DMD: variants seen among roughly 807,000 people sequenced by gnomAD.
DMD encodes mutant dystrophin.
A neutral mutation model predicts 330.1 loss-of-function variants in DMD; 63 were observed. That is an observed-to-expected ratio of 0.19 (90% CI 0.16 to 0.24). The LOEUF is 0.24. DMD is among the 10% of genes least tolerant of loss of function. The probability of loss-of-function intolerance (pLI) is 1.00; values close to 1 mark genes in which losing one functional copy is unlikely to be tolerated. For missense variants in DMD, 3,344 were observed against 2,684.1 expected (o/e 1.25, Z -5.43); for synonymous variants, 1,223 against 959.8 (o/e 1.27, Z -5.07).
intron 29 of DMD, among the ~76,000 whole-genome samples, chrX:32,418,002 A>T (rs2098172815): frequency 9.0e-6 from 1 of 111,034 alleles, no homozygotes; most frequent in Non-Finnish European, 1.9e-5. Context: ...GATGGAATCT[A>T]ACCACACTTG....
At position 32,365,094 on chromosome X, in the gene DMD, C is replaced by T. The variant is rs1369953471; in HGVS notation, c.4951G>A (p.Asp1651Asn). The change falls in exon 35 of 79, where the codon GAT (aspartate) becomes AAT (asparagine). Residue 1651 changes from aspartate (D) to asparagine (N), a missense_variant. Coordinates refer to ENST00000357033, the MANE Select transcript of DMD (RefSeq NM_004006.3). Reference protein sequence around the residue: ...VLGKKETLVEDKLSLLNSNWI... With the variant: ...VLGKKETLVENKLSLLNSNWI... ...TTACTATTCAGAAGACTGAGTTTATCTTCCACCAACGTCTCCTTCTTGCCC... is the reference window on the plus strand; with the variant it reads ...TTACTATTCAGAAGACTGAGTTTATTTTCCACCAACGTCTCCTTCTTGCCC... The T allele has an allele frequency of 1.4e-5, 17 of 1,210,888 alleles. No individual in the cohort carries two copies. Among genetic ancestry groups the T allele is most frequent in the Non-Finnish European group, 1.9e-5 (17 of 895,145 alleles).
intron 2 of DMD, among the ~76,000 whole-genome samples, chrX:32,889,468 C>G (rs1051064453): frequency 5.9e-4 from 65 of 110,515 alleles, no homozygotes; most frequent in African/African-American, 1.9e-3. Flanking sequence ...GTATCAGTGT[C>G]AGGACTCTGA....
intron 47 of DMD, among the ~76,000 whole-genome samples, chrX:31,910,127 A>G (rs1248589701): frequency 2.7e-5 from 3 of 110,664 alleles, no homozygotes; most frequent in African/African-American, 9.8e-5. Flanking sequence ...AAGGCACACA[A>G]AAAGATAGAA....
intron 47 of DMD, among the ~76,000 whole-genome samples, chrX:31,896,405 T>C (rs181763489): frequency 4.5e-5 from 5 of 111,985 alleles, no homozygotes; most frequent in Middle Eastern, 4.6e-3. Flanking sequence ...AGACACTGTA[T>C]ATTCTAGTAT....
At chrX:32,975,412 T>A (rs968824947) in intron 2 of DMD, among the ~76,000 whole-genome samples, 1 of 97,155 alleles carries the variant, frequency 1.0e-5, no homozygotes, top group Non-Finnish European at 2.0e-5. Context: ...CCTGGAAGAA[T>A]TGGAAATCAA....
intron 47 of DMD, among the ~76,000 whole-genome samples, chrX:31,925,330 T>C (rs1433013818): frequency 9.0e-6 from 1 of 111,652 alleles, no homozygotes; most frequent in Non-Finnish European, 1.9e-5. Flanking sequence ...TCACATAACC[T>C]TTCTAGGACT....
intron 7 of DMD, among the ~76,000 whole-genome samples, chrX:32,709,906 C>T (rs980163170): frequency 3.6e-5 from 4 of 111,324 alleles, no homozygotes; most frequent in Non-Finnish European, 7.6e-5. Flanking sequence ...GTAGTAGGTA[C>T]TCAGTATTTG....
chrX:33,328,776 TAAAAG>T (rs1269122267), intron 1 of DMD, among the ~76,000 whole-genome samples: 1 of 111,324 alleles, frequency 9.0e-6, no homozygotes, highest in Non-Finnish European at 1.9e-5. Context: ...GGAAGAAACT[TAAAAG>T]AAATGACAAT....
At chrX:31,251,182 G>C (rs752552874) in intron 63 of DMD, among the ~76,000 whole-genome samples, 2 of 104,432 alleles carry the variant, frequency 1.9e-5, no homozygotes, top group Non-Finnish European at 3.9e-5. Flanking sequence ...TTTTTTCTAA[G>C]ACAACGTCTT....
intron 57 of DMD, among the ~76,000 whole-genome samples, chrX:31,486,737 T>A (rs2068840726): frequency 8.9e-6 from 1 of 112,115 alleles, no homozygotes; most frequent in African/African-American, 3.2e-5. Flanking sequence ...TGTAACTTGA[T>A]CTGTATTTAC....
At chrX:31,145,577 G>A (rs2036580902) in intron 76 of DMD, among the ~76,000 whole-genome samples, 1 of 110,779 alleles carries the variant, frequency 9.0e-6, no homozygotes, top group Non-Finnish European at 1.9e-5. Context: ...ACAATCAGAA[G>A]TTTCACTATC....
At chrX:31,185,160 T>C in intron 67 of DMD, among the ~76,000 whole-genome samples, 1 of 111,786 alleles carries the variant, frequency 8.9e-6, no homozygotes, top group Middle Eastern at 4.6e-3. Context: ...GTTTTCTATC[T>C]TGTGCTGTTT....
rs757537651 is a variant in DMD, at chrX:31,134,572, G to A, written c.10922-378C>T. ...CGAGTAGCTGGGACTACAGGCATGCGCCAACACGTCCAGCTAATTTTTGTA... is the reference window on the plus strand; with the variant it reads ...CGAGTAGCTGGGACTACAGGCATGCACCAACACGTCCAGCTAATTTTTGTA... On this transcript the variant is annotated intron_variant, in intron 76 of 78. Transcript: ENST00000357033. 7.2e-5 allele frequency among the ~76,000 whole-genome samples: 8 copies of A among 110,519 alleles called. No individual in the cohort carries two copies. In the East Asian group the frequency reaches 2.3e-3, roughly 32 times the overall value.
chrX:32,702,577 T>A (rs2064229777), intron 7 of DMD, among the ~76,000 whole-genome samples: 1 of 110,141 alleles, frequency 9.1e-6, no homozygotes, highest in African/African-American at 3.3e-5. Context: ...GACTAGAGAG[T>A]AAATACTTTT....
chrX:33,266,885 C>A (rs1319471592), intron 1 of DMD, among the ~76,000 whole-genome samples: 1 of 110,957 alleles, frequency 9.0e-6, no homozygotes, highest in African/African-American at 3.3e-5. Flanking sequence ...CCATAGCCAA[C>A]ATCATACCGA....
chrX:31,300,448 T>C (rs774104376), intron 62 of DMD, among the ~76,000 whole-genome samples: 1 of 112,072 alleles, frequency 8.9e-6, no homozygotes, highest in Non-Finnish European at 1.9e-5. Flanking sequence ...CCTGTGTTAT[T>C]GAGGTGAAAG....
At chrX:31,856,851 T>C (rs1224809770) in intron 48 of DMD, among the ~76,000 whole-genome samples, 1 of 112,498 alleles carries the variant, frequency 8.9e-6, no homozygotes, top group East Asian at 2.8e-4. Context: ...TTTTTGTGTT[T>C]CTTATCACCT....
At chrX:31,158,130 C>T (rs1226140824) in intron 74 of DMD, among the ~76,000 whole-genome samples, 2 of 111,373 alleles carry the variant, frequency 1.8e-5, no homozygotes, top group African/African-American at 6.5e-5. Flanking sequence ...AAAATAATTA[C>T]CGGTACTTGT....
chrX:31,872,877 A>G (rs2093914101), intron 48 of DMD, among the ~76,000 whole-genome samples: 1 of 111,080 alleles, frequency 9.0e-6, no homozygotes, highest in African/African-American at 3.3e-5. Flanking sequence ...GGTGAATAGG[A>G]GCTAGTCAAA....
Sources: allele counts gnomAD v4.1 joint callset (sites outside exome capture counted in the v4.1 genomes callset), GRCh38; gene constraint gnomAD v4.1.1; transcripts MANE v1.5; gene names NCBI Gene and HGNC (gene_info 2026-07-23, HGNC 2026-07-21).